BCAR1: variants seen among roughly 807,000 people sequenced by gnomAD.
BCAR1 encodes the protein BCAR1 scaffold protein, Cas family member.
In BCAR1, 30 loss-of-function variants were observed where a neutral mutation model predicts 67.6. The ratio of observed to expected loss-of-function variants is 0.44; its 90% CI spans 0.33 to 0.60. BCAR1 has a LOEUF of 0.60. Among genes scored for constraint, BCAR1 ranks in the 20% least tolerant of loss-of-function variants. The pLI is 0.02. For synonymous variants in BCAR1, 626 were observed against 556.7 expected, an observed-to-expected ratio of 1.12 and a Z score of -1.75; for missense variants, 1,313 against 1,222.3, an observed-to-expected ratio of 1.07 and a Z score of -1.11.
intron 1 of BCAR1, among the ~76,000 whole-genome samples, chr16:75,267,411 G>GGGGGC (rs2078025010): frequency 6.8e-6 from 1 of 147,030 alleles, no homozygotes; most frequent in African/African-American, 2.7e-5. Context: ...GGGGTGGGGG[G>GGGGGC]CCTGGACCGA....
upstream of BCAR1, chr16:75,252,312 T>C (rs982719553): frequency 1.3e-6 from 2 of 1,536,292 alleles, no homozygotes; most frequent in African/African-American, 2.7e-5. Flanking sequence ...TACTCATTCC[T>C]AGGTTCAGCC....
Position 75,228,509 on chromosome 16 carries a change from C to G in BCAR1, c.*1002G>C, listed in dbSNP as rs1002968268. ...CCAGGGCAAGGGTCTTCTCCAAGCCCCTCCCTCCCAACTCAGATGCCAGGT... is the reference window on the plus strand; with the variant it reads ...CCAGGGCAAGGGTCTTCTCCAAGCCGCTCCCTCCCAACTCAGATGCCAGGT... On this transcript the variant is annotated 3_prime_UTR_variant, in exon 7 of 7. Coordinates refer to ENST00000162330, the MANE Select transcript of BCAR1 (RefSeq NM_014567.5). The G allele has an allele frequency of 1.3e-5, 2 of 152,354 alleles. No individual in the cohort carries two copies. The highest frequency in any genetic ancestry group is 4.8e-5 in the African/African-American group (2 of 41,470). The allele number at this position is 152,354 out of a possible 1,614,324, so 9.4% of individuals were successfully genotyped here.
At position 75,233,702 on chromosome 16, in the gene BCAR1, G is replaced by C. The variant is rs1847802512; in HGVS notation, c.2100+144C>G. The C allele has an allele frequency of 4.2e-6, 3 of 714,214 alleles. No homozygotes were observed. The South Asian group carries it at 5.7e-5, about 14-fold the overall frequency. 44.2% of individuals were successfully genotyped at this position (714,214 alleles called of 1,614,324 possible). On this transcript the variant is annotated intron_variant, in intron 6 of 6. Coordinates refer to ENST00000162330, the MANE Select transcript of BCAR1 (RefSeq NM_014567.5). ...AAAAGATGAAGATGGTCAGGAGGCAGGGGGGTGGCAGGCCGGGCCCAGCTC... is the reference window on the plus strand; with the variant it reads ...AAAAGATGAAGATGGTCAGGAGGCACGGGGGTGGCAGGCCGGGCCCAGCTC...
At chr16:75,266,801 TC>T in intron 1 of BCAR1, 2 of 1,420,320 alleles carry the variant, frequency 1.4e-6, no homozygotes, top group South Asian at 3.0e-5. Context: ...GGGGCTGGGG[TC>T]CAGAGCACTG....
intron 1 of BCAR1, chr16:75,266,660 G>A: frequency 8.2e-7 from 1 of 1,223,024 alleles, no homozygotes. Flanking sequence ...CTGCCAGGCA[G>A]GCCTTGCTGA....
At chr16:75,234,763 G>A (rs2077039648) in intron 5 of BCAR1, 126 bp downstream of exon 5, 4 of 1,394,456 alleles carry the variant, frequency 2.9e-6, no homozygotes, top group Non-Finnish European at 3.8e-6. Flanking sequence ...GGGTGAGGGA[G>A]GTCAAAGTGA....
intron 2 of BCAR1, 127 bp downstream of exon 2, chr16:75,242,343 C>T (rs2077371236): frequency 3.1e-6 from 4 of 1,293,672 alleles, no homozygotes; most frequent in Non-Finnish European, 3.9e-6. Context: ...CCCACTTTGA[C>T]CCCAGACCAA....
At chr16:75,267,220 C>T (rs992604895) in intron 1 of BCAR1, among the ~76,000 whole-genome samples, 8 of 152,212 alleles carry the variant, frequency 5.3e-5, no homozygotes, top group Admixed American at 3.3e-4. Flanking sequence ...ATCCAGGCCT[C>T]CCACGAGAGA....
intron 1 of BCAR1, chr16:75,266,666 G>T: frequency 8.0e-7 from 1 of 1,255,204 alleles, no homozygotes; most frequent in Non-Finnish European, 1.0e-6. Context: ...GGCAGGCCTT[G>T]CTGATGCCCC....
intron 6 of BCAR1, among the ~76,000 whole-genome samples, chr16:75,233,618 C>A (rs1434157664): frequency 6.6e-6 from 1 of 152,188 alleles, no homozygotes; most frequent in African/African-American, 2.4e-5. Context: ...TCACCCCACT[C>A]TCTAATTCCC....
chr16:75,236,487 T>A (rs921899664), intron 4 of BCAR1: 1 of 342,658 alleles, frequency 2.9e-6, no homozygotes, highest in East Asian at 5.8e-5. Flanking sequence ...GCAGCAGGTG[T>A]GCGACTGAGC....
At position 75,229,784 on chromosome 16, in the gene BCAR1, C is replaced by A. The variant is rs373725274; in HGVS notation, c.2340G>T (p.Ala780=). Residue 780 remains alanine (A), a synonymous_variant, in exon 7 of 7, where the codon GCG becomes GCT. Transcript: ENST00000162330. ...CGCTGAGGATGACGAACTTGCTGTG[C>A]GCCACAAAGATCTTGGGCGGCTGGT... The part of the protein sequence containing the change: ...ATNQPPKIFV[A]HSKFVILSAH... 1.9e-6 allele frequency: 3 copies of A among 1,613,514 alleles called. No individual in the cohort carries two copies. The highest frequency in any genetic ancestry group is 2.5e-6 in the Non-Finnish European group (3 of 1,180,008).
At chr16:75,260,060 G>T (rs570036996) in intron 1 of BCAR1, among the ~76,000 whole-genome samples, 4 of 151,642 alleles carry the variant, frequency 2.6e-5, no homozygotes, top group African/African-American at 4.9e-5. Flanking sequence ...TGGGAATAGT[G>T]GTGGGCACCT....
At chr16:75,251,640 G>A (rs1025998878), upstream of BCAR1, 371 of 1,002,076 alleles carry the variant, frequency 3.7e-4, 1 homozygote, top group Non-Finnish European at 4.2e-4. Context: ...CTCTCCGCCT[G>A]CCGCCACGGC....
chr16:75,257,279 G>A (rs2077800180), intron 1 of BCAR1, among the ~76,000 whole-genome samples: 1 of 151,874 alleles, frequency 6.6e-6, no homozygotes, highest in African/African-American at 2.4e-5. Context: ...GCCCACTCCC[G>A]GCCGCTTTCA....
chr16:75,253,829 G>A (rs546227848), upstream of BCAR1, among the ~76,000 whole-genome samples: 75 of 152,212 alleles, frequency 4.9e-4, no homozygotes, highest in African/African-American at 1.4e-3. Context: ...CCAGCCTCCC[G>A]GACCTCCGCT....
At chr16:75,263,819 C>A (rs1054198855) in intron 1 of BCAR1, 1 of 988,464 alleles carries the variant, frequency 1.0e-6, no homozygotes, top group Non-Finnish European at 1.2e-6. Context: ...GCAGCTCAGT[C>A]TGGAAGCCTC....
At position 75,228,285 on chromosome 16, in the gene BCAR1, C is replaced by T. The variant is rs1020487526; in HGVS notation, c.*1226G>A. The T allele has an allele frequency of 1.3e-5, 2 of 152,408 alleles. No homozygotes were observed. The highest frequency in any genetic ancestry group is 4.8e-5 in the African/African-American group (2 of 41,454). 9.4% of individuals were successfully genotyped at this position (152,408 alleles called of 1,614,324 possible). ...GGACAGATGCTGTCACGGGGACAAC[C>T]TCTGTAGAGGTAAGATCAGGAGGGC... On this transcript the variant is annotated 3_prime_UTR_variant, in exon 7 of 7. Transcript: ENST00000162330.
At chr16:75,243,918 G>A (rs1399017523) in intron 1 of BCAR1, among the ~76,000 whole-genome samples, 1 of 152,242 alleles carries the variant, frequency 6.6e-6, no homozygotes, top group Non-Finnish European at 1.5e-5. Flanking sequence ...GGCGCAGGAT[G>A]GGCCCAGAGA....
Sources: gnomAD v4.1 joint callset for allele counts (sites outside exome capture counted in the v4.1 genomes callset) on GRCh38, gnomAD v4.1.1 for gene constraint, MANE v1.5 for transcripts, NCBI Gene and HGNC (gene_info 2026-07-23, HGNC 2026-07-21) for gene names.